The following MSH6 variants were observed in gnomAD, a reference collection of about 807,000 sequenced individuals.
The protein encoded by MSH6 is DNA mismatch repair protein Msh6.
A neutral mutation model predicts 119.1 loss-of-function variants in MSH6; 85 were observed. The observed-to-expected ratio is 0.71, with a 90% CI of 0.60 to 0.85. MSH6 has a LOEUF of 0.85. Among genes scored for constraint, MSH6 ranks in the 40% least tolerant of loss-of-function variants. The pLI is 0.00. For synonymous variants in MSH6, 830 were observed against 586.9 expected, an observed-to-expected ratio of 1.41 and a Z score of -5.99; for missense variants, 2,163 against 1,655.3, an observed-to-expected ratio of 1.31 and a Z score of -5.32.
intron 1 of MSH6, among the ~76,000 whole-genome samples, chr2:47,785,267 G>T (rs113492636): frequency 0.072 from 10,922 of 152,114 alleles, 559 homozygotes; most frequent in Non-Finnish European, 0.11. Context: ...TCGCTCTGTC[G>T]CCCAGGCTGG....
At chr2:47,784,025 A>G (rs1234220058) in intron 1 of MSH6, 2 of 1,019,348 alleles carry the variant, frequency 2.0e-6, no homozygotes, top group African/African-American at 3.4e-5. Flanking sequence ...GGGCTCCAGT[A>G]GTCGATCGAG....
At position 47,803,691 on chromosome 2, in the gene MSH6, T is replaced by C. The variant is rs370170322; in HGVS notation, c.3438+6T>C. On this transcript the variant is annotated splice_donor_region_variant and intron_variant, in intron 5 of 9. Coordinates refer to ENST00000234420, the MANE Select transcript of MSH6 (RefSeq NM_000179.3). ...AGTCTACGCTTATGAGACAGGTAAC[T>C]GATTCTTAAAGTTTTGTTATCAGAA... is the stretch of plus-strand genomic sequence containing the variant. The C allele has an allele frequency of 1.7e-5, 27 of 1,614,082 alleles. No individual in the cohort carries two copies. The highest frequency in any genetic ancestry group is 2.2e-5 in the Non-Finnish European group (26 of 1,180,020).
chr2:47,799,439 A>G lies in MSH6; in HGVS notation c.1456A>G (p.Thr486Ala). Reference protein sequence around the residue: ...KGYKVARVEQTETPEMMEARC... With the variant: ...KGYKVARVEQAETPEMMEARC... ...CTATAAAGTAGCACGAGTGGAACAG[A>G]CTGAGACTCCAGAAATGATGGAGGC... Residue 486 changes from threonine to alanine, a missense_variant, in exon 4 of 10, where the codon ACT (threonine) becomes GCT (alanine). Thr to Ala is a moderately conservative substitution (Grantham distance 58, BLOSUM62 0). Coordinates refer to ENST00000234420, the MANE Select transcript of MSH6 (RefSeq NM_000179.3). 1.2e-6 allele frequency: 2 copies of G among 1,614,176 alleles called. No individual in the cohort carries two copies. The highest frequency in any genetic ancestry group is 1.7e-6 in the Non-Finnish European group (2 of 1,180,040).
At chr2:47,807,158 CT>C, downstream of MSH6, 1 of 312,516 alleles carries the variant, frequency 3.2e-6, no homozygotes, top group Non-Finnish European at 5.9e-6. Flanking sequence ...TGTATATATA[CT>C]TGTCTCAGCT....
intron 4 of MSH6, 134 bp downstream of exon 4, chr2:47,801,289 A>ATG: frequency 1.1e-6 from 1 of 879,744 alleles, no homozygotes; most frequent in Non-Finnish European, 1.8e-6. Context: ...TTGCATCCTG[A>ATG]CTAGGCTGCC....
chr2:47,804,152 C>A lies in MSH6; in HGVS notation c.3438+467C>A, dbSNP rs1295271177. Among the ~76,000 whole-genome samples the A allele has an allele frequency of 2.0e-5, 3 of 151,772 alleles. No individual in the cohort carries two copies. In the South Asian group the frequency reaches 6.2e-4, roughly 32 times the overall value. ...CTGGCCCTTTTTTTTTTGTTGTTGC[C>A]AAGGCTGAAGTGCAGTGGCACCATC... On this transcript the variant is annotated intron_variant, in intron 5 of 9. Coordinates refer to ENST00000234420, the MANE Select transcript of MSH6 (RefSeq NM_000179.3).
chr2:47,806,687 G>GTTA, intron 9 of MSH6, 36 bp downstream of exon 9: 1 of 1,590,346 alleles, frequency 6.3e-7, no homozygotes, highest in Non-Finnish European at 8.6e-7. Context: ...ATAACTAACT[G>GTTA]ACCTTAAGTT....
intron 1 of MSH6, chr2:47,783,853 T>C: frequency 2.8e-6 from 2 of 724,026 alleles, no homozygotes; most frequent in Non-Finnish European, 3.1e-6. Context: ...GTGGGAGCAC[T>C]GGGGGTGGGG....
At position 47,783,147 on chromosome 2, in the gene MSH6, A is replaced by T; in HGVS notation, c.-87A>T. ...TCCGGCGGAGCGCGCCTCCCCCCAG[A>T]TTTCCCGCCAGCAGGAGCCGCGCGG... On this transcript the variant is annotated 5_prime_UTR_variant, in exon 1 of 10. Coordinates refer to ENST00000234420, the MANE Select transcript of MSH6 (RefSeq NM_000179.3). 3.2e-6 allele frequency: 5 copies of T among 1,571,474 alleles called. No homozygotes were observed. In the South Asian group the frequency reaches 5.7e-5, roughly 18 times the overall value.
chr2:47,785,298 G>A (rs1004729250), intron 1 of MSH6, among the ~76,000 whole-genome samples: 1 of 152,100 alleles, frequency 6.6e-6, no homozygotes, highest in Non-Finnish European at 1.5e-5. Flanking sequence ...CGCTTTCTCG[G>A]CTCACTGCAA....
chr2:47,798,646 A>C lies in MSH6; in HGVS notation c.663A>C (p.Glu221Asp), dbSNP rs41557217. The change falls in exon 4 of 10, where the codon GAA (glutamate) becomes GAC (aspartate). Residue 221 changes from glutamate (E) to aspartate (D), a missense_variant. Glu to Asp is a conservative substitution (Grantham distance 45, BLOSUM62 2). Coordinates refer to ENST00000234420, the MANE Select transcript of MSH6 (RefSeq NM_000179.3). ...GTTYVTDKSEEDNEIESEEEV... is the reference protein window; with the variant it reads ...GTTYVTDKSEDDNEIESEEEV... ...CTTACGTAACAGATAAGAGTGAAGA[A>C]GATAATGAAATTGAGAGTGAAGAGG... The C allele has an allele frequency of 7.5e-4, 1,206 of 1,612,862 alleles. 1 individual carries two copies. Among genetic ancestry groups the C allele is most frequent in the South Asian group, 1.2e-3 (109 of 91,076 alleles).
At chr2:47,783,571 A>C in intron 1 of MSH6, 78 bp downstream of exon 1, 5 of 1,025,156 alleles carry the variant, frequency 4.9e-6, no homozygotes, top group Non-Finnish European at 5.1e-6. Flanking sequence ...AGGCTCGCAC[A>C]GGGGGTTGGG....
In MSH6 at chr2:47,798,829, G is replaced by A. The variant is rs573638836; in HGVS notation, c.846G>A (p.Val282=). 1 of 1,614,160 alleles carries A rather than the reference G, an allele frequency of 6.2e-7. No individual in the cohort carries two copies. The highest frequency in any genetic ancestry group is 1.1e-5 in the South Asian group (1 of 91,072). ...EGSSDEISSG[V]GDSESEGLNS... is the part of the protein sequence containing the mutation. ...GCAGTGATGAAATAAGCAGTGGAGTGGGGGATAGTGAGAGTGAAGGCCTGA... is the reference window on the plus strand; with the variant it reads ...GCAGTGATGAAATAAGCAGTGGAGTAGGGGATAGTGAGAGTGAAGGCCTGA... The change falls in exon 4 of 10, where the codon GTG becomes GTA. Residue 282 remains valine, a synonymous_variant. Coordinates refer to ENST00000234420, the MANE Select transcript of MSH6 (RefSeq NM_000179.3).
In MSH6 at chr2:47,801,062, G is replaced by A. The variant is rs876658397; in HGVS notation, c.3079G>A (p.Val1027Ile). 1 of 1,606,338 alleles carries A rather than the reference G, an allele frequency of 6.2e-7. No homozygotes were observed. The stretch of plus-strand genomic sequence containing the variant: ...CATAAATGCTGAAGAACGGAGGGAT[G>A]TATCATTGAAGGACTGCATGCGGCG... ...NLINAEERRD[V>I]SLKDCMRRLF... The change falls in exon 4 of 10, where the codon GTA becomes ATA. Residue 1027 changes from valine (V) to isoleucine (I), a missense_variant. Physicochemically the swap from Val to Ile is conservative, Grantham distance 29 (BLOSUM62 3). Coordinates refer to ENST00000234420, the MANE Select transcript of MSH6 (RefSeq NM_000179.3).
At chr2:47,801,264 C>T in intron 4 of MSH6, 109 bp downstream of exon 4, 5 of 1,118,480 alleles carry the variant, frequency 4.5e-6, no homozygotes, top group Non-Finnish European at 6.5e-6. Flanking sequence ...CATATTTTGA[C>T]ATGCATATAC....
intron 3 of MSH6, 115 bp downstream of exon 3, chr2:47,796,178 T>A: frequency 3.8e-6 from 4 of 1,045,738 alleles, no homozygotes; most frequent in Non-Finnish European, 4.4e-6. Flanking sequence ...ATGTATTATT[T>A]TATTATACAT....
At chr2:47,795,756 CCACCA>C in intron 2 of MSH6, 133 bp from the exon 3 acceptor site, 1 of 760,484 alleles carries the variant, frequency 1.3e-6, no homozygotes, top group Non-Finnish European at 2.2e-6. Context: ...CAGGCGTGAG[CCACCA>C]CACCTGGCAT....
In MSH6 at chr2:47,783,324, G is replaced by A. The variant is rs1553408183; in HGVS notation, c.91G>A (p.Gly31Ser). 6.2e-7 allele frequency: 1 copy of A among 1,610,662 alleles called. No homozygotes were observed. Among genetic ancestry groups the A allele is most frequent in the Non-Finnish European group, 8.5e-7 (1 of 1,178,886 alleles). Residue 31 changes from glycine (G) to serine (S), a missense_variant, in exon 1 of 10, where the codon GGC becomes AGC. Transcript: ENST00000234420. The part of the protein sequence containing the change: ...NKASARASRE[G>S]GRAAAAPGAS... ...GGCCTCGGCCAGGGCCTCACGCGAA[G>A]GCGGCCGTGCCGCCGCTGCCCCCGG...
At chr2:47,802,635 GTTTT>G (rs527836963) in intron 4 of MSH6, among the ~76,000 whole-genome samples, 27 of 115,922 alleles carry the variant, frequency 2.3e-4, no homozygotes, top group Admixed American at 1.8e-3. Context: ...GCCCAGCCCT[GTTTT>G]TTTTTTTTTT....
Sources: gnomAD v4.1 joint callset for allele counts (sites outside exome capture counted in the v4.1 genomes callset) on GRCh38, gnomAD v4.1.1 for gene constraint, MANE v1.5 for transcripts, NCBI Gene and HGNC (gene_info 2026-07-23, HGNC 2026-07-21) for gene names.